The following PTGER3 variants were observed in gnomAD, a reference collection of about 807,000 sequenced individuals.
The protein encoded by PTGER3 is prostaglandin E receptor 3.
In PTGER3, 22 loss-of-function variants were observed where a neutral mutation model predicts 34.7. The observed-to-expected ratio is 0.63, with a 90% CI of 0.45 to 0.91. The LOEUF is 0.91. Ranked by LOEUF, PTGER3 falls within the 40% of genes least tolerant of loss-of-function variation. The pLI is 0.00. For synonymous variants in PTGER3, 241 were observed against 230.1 expected, an observed-to-expected ratio of 1.05 and a Z score of -0.43; for missense variants, 468 against 519.4, an observed-to-expected ratio of 0.90 and a Z score of 0.96.
rs935803076 is a variant in PTGER3, at chr1:70,981,259, TCTTTTCTTTTTC to T, written c.1078-6883_1078-6872del. Among the ~76,000 whole-genome samples, 6 of 152,138 alleles carry T rather than the reference TCTTTTCTTTTTC, an allele frequency of 3.9e-5. No homozygotes were observed. The East Asian group carries it at 5.8e-4, about 15-fold the overall frequency. On this transcript the variant is annotated intron_variant, in intron 2 of 3. Coordinates refer to ENST00000306666, the MANE Select transcript of PTGER3 (RefSeq NM_198719.2). Reference sequence around the variant, plus strand: ...GTTTCTTTTTCTTTCTCCTTTTTTTTCTTTTCTTTTTCCTTTTCTTTTCTCTCTCTCTCTTCC... The same window carrying T: ...GTTTCTTTTTCTTTCTCCTTTTTTTTCTTTTCTTTTCTCTCTCTCTCTTCC...
intron 4 of PTGER3, among the ~76,000 whole-genome samples, chr1:70,857,920 A>G (rs1193721156): frequency 6.6e-6 from 1 of 152,236 alleles, no homozygotes; most frequent in Non-Finnish European, 1.5e-5. Context: ...CTCACAACAC[A>G]TAAATTCAGG....
intron 2 of PTGER3, among the ~76,000 whole-genome samples, chr1:70,959,713 G>A (rs1368748010): frequency 2.0e-5 from 3 of 152,014 alleles, no homozygotes; most frequent in Non-Finnish European, 1.5e-5. Flanking sequence ...TGTAGCCAGG[G>A]CTGACGTGTC....
At chr1:70,913,812 C>T (rs1319932997) in intron 4 of PTGER3, among the ~76,000 whole-genome samples, 1 of 151,606 alleles carries the variant, frequency 6.6e-6, no homozygotes, top group East Asian at 1.9e-4. Context: ...CCTTATTTTT[C>T]TGGGATAACT....
At chr1:71,036,488 GC>G in intron 1 of PTGER3, among the ~76,000 whole-genome samples, 1 of 152,222 alleles carries the variant, frequency 6.6e-6, no homozygotes, top group South Asian at 2.1e-4. Flanking sequence ...CTGTACTATA[GC>G]CTGGGTGACA....
chr1:70,857,344 A>G (rs971294431), intron 4 of PTGER3, among the ~76,000 whole-genome samples: 5 of 152,106 alleles, frequency 3.3e-5, no homozygotes, highest in African/African-American at 4.8e-5. Flanking sequence ...CAGGACTTGA[A>G]TTTGTTGTAC....
chr1:70,999,646 T>C (rs1294107311), intron 2 of PTGER3, among the ~76,000 whole-genome samples: 1 of 152,212 alleles, frequency 6.6e-6, no homozygotes, highest in Non-Finnish European at 1.5e-5. Flanking sequence ...GGAGTTCCTC[T>C]GTAACTAGGA....
intron 4 of PTGER3, among the ~76,000 whole-genome samples, chr1:70,927,769 A>G (rs181034393): frequency 2.8e-4 from 43 of 152,274 alleles, no homozygotes; most frequent in Middle Eastern, 6.8e-3. Flanking sequence ...ATAGAAGAGA[A>G]CAGGAAAATA....
At position 71,047,650 on chromosome 1, in the gene PTGER3, C is replaced by T; in HGVS notation, c.-73G>A. On this transcript the variant is annotated 5_prime_UTR_variant, in exon 1 of 4. Transcript: ENST00000306666. Reference sequence around the variant, plus strand: ...GAGGGGGCAGACGCGGCGCGGGCGGCGGCGGAGGTCGGCGTTTACCGCGGC... The same window carrying T: ...GAGGGGGCAGACGCGGCGCGGGCGGTGGCGGAGGTCGGCGTTTACCGCGGC... 2.8e-6 allele frequency: 4 copies of T among 1,434,428 alleles called. No individual in the cohort carries two copies. The highest frequency in any genetic ancestry group is 3.7e-6 in the Non-Finnish European group (4 of 1,085,358). 88.9% of individuals were successfully genotyped at this position (1,434,428 alleles called of 1,614,324 possible).
rs542209749 is a variant in PTGER3 at position 70,987,288 on chromosome 1, A to T, written c.1078-12900T>A. ...AAACAAGTTAAGAATATATGTCTAA[A>T]GACAAATTAAGTCTGACAAAACGTA... is the stretch of plus-strand genomic sequence containing the variant. On this transcript the variant is annotated intron_variant, in intron 2 of 3. Coordinates refer to ENST00000306666, the MANE Select transcript of PTGER3 (RefSeq NM_198719.2). 6.6e-5 allele frequency among the ~76,000 whole-genome samples: 10 copies of T among 152,360 alleles called. No individual in the cohort carries two copies. In the East Asian group the frequency reaches 1.9e-3, roughly 29 times the overall value.
chr1:70,928,120 CATATATATATATTT>C (rs1223794917), intron 4 of PTGER3, among the ~76,000 whole-genome samples: 3 of 101,984 alleles, frequency 2.9e-5, no homozygotes, highest in Admixed American at 1.1e-4. Context: ...ATCCATTCAT[CATATATATATATTT>C]ATATATATAT....
intron 4 of PTGER3, among the ~76,000 whole-genome samples, chr1:70,871,392 C>A (rs566313322): frequency 1.8e-3 from 274 of 152,248 alleles, no homozygotes; most frequent in African/African-American, 6.1e-3. Flanking sequence ...GCCCCATCTC[C>A]AACACTGGAG....
At position 71,018,261 on chromosome 1, in the gene PTGER3, A is replaced by T. The variant is rs938381579; in HGVS notation, c.898-5777T>A. On this transcript the variant is annotated intron_variant, in intron 1 of 3. Coordinates refer to ENST00000306666, the MANE Select transcript of PTGER3 (RefSeq NM_198719.2). ...AAAATAGCCTAGGAAGCTTCTTTAA[A>T]TTTTTTTACTTTCCTAGGAAACTTA... Among the ~76,000 whole-genome samples, 5 of 151,936 alleles carry T rather than the reference A, an allele frequency of 3.3e-5. No individual in the cohort carries two copies. The East Asian group carries it at 7.7e-4, about 24-fold the overall frequency.
At chr1:71,008,594 A>T in intron 2 of PTGER3, 1 of 984,732 alleles carries the variant, frequency 1.0e-6, no homozygotes, top group Non-Finnish European at 1.2e-6. Context: ...AATTGGCTCG[A>T]TCATAACCTA....
chr1:70,867,567 A>G (rs1273494540), intron 4 of PTGER3, among the ~76,000 whole-genome samples: 1 of 152,076 alleles, frequency 6.6e-6, no homozygotes, highest in East Asian at 1.9e-4. Flanking sequence ...CTAAAAATAC[A>G]AAAACAAATT....
At chr1:71,025,131 C>CCCGCCCTTCCTTCCTT (rs1553178205) in intron 1 of PTGER3, among the ~76,000 whole-genome samples, 2 of 124,354 alleles carry the variant, frequency 1.6e-5, no homozygotes, top group African/African-American at 3.2e-5. Context: ...AGATTCCAGG[C>CCCGCCCTTCCTTCCTT]CCTTCCTTCC....
chr1:70,893,093 T>C (rs1300699113), intron 4 of PTGER3, among the ~76,000 whole-genome samples: 1 of 152,170 alleles, frequency 6.6e-6, no homozygotes, highest in African/African-American at 2.4e-5. Flanking sequence ...TGGAATCTAG[T>C]TTACCAGCTT....
At chr1:70,953,136 A>C in intron 3 of PTGER3, 2 of 1,236,460 alleles carry the variant, frequency 1.6e-6, no homozygotes, top group Non-Finnish European at 2.2e-6. Context: ...TACAAATAAA[A>C]AGGTGATACA....
intron 2 of PTGER3, chr1:71,006,115 T>C (rs923645825): frequency 3.2e-6 from 3 of 940,252 alleles, no homozygotes; most frequent in South Asian, 9.9e-5. Flanking sequence ...ATTTCTGTTA[T>C]CTCTCTTATC....
intron 4 of PTGER3, among the ~76,000 whole-genome samples, chr1:70,871,599 T>G (rs1479548178): frequency 6.6e-6 from 1 of 152,074 alleles, no homozygotes; most frequent in Non-Finnish European, 1.5e-5. Flanking sequence ...ATGGGCCCCT[T>G]GGTGAGAGAA....
Sources: gnomAD v4.1 joint callset for allele counts (sites outside exome capture counted in the v4.1 genomes callset) on GRCh38, gnomAD v4.1.1 for gene constraint, MANE v1.5 for transcripts, NCBI Gene and HGNC (gene_info 2026-07-23, HGNC 2026-07-21) for gene names.